CDC6: variants seen among roughly 807,000 people sequenced by gnomAD.
CDC6 encodes DNA replication factor CDC6.
A neutral mutation model predicts 60.2 loss-of-function variants in CDC6; 46 were observed. The ratio of observed to expected loss-of-function variants is 0.76; its 90% CI spans 0.60 to 0.98. The LOEUF is 0.98. CDC6 is among the 50% of genes least tolerant of loss of function. The pLI, the probability that CDC6 is intolerant of heterozygous loss-of-function variation, is 0.00. For synonymous variants in CDC6, 210 were observed against 233.2 expected (o/e 0.90, Z 0.90); for missense variants, 596 against 652.9 (o/e 0.91, Z 0.95).
At chr17:40,298,278 AT>A (rs1380594850) in intron 9 of CDC6, among the ~76,000 whole-genome samples, 18 of 152,228 alleles carry the variant, frequency 1.2e-4, no homozygotes, top group Admixed American at 1.2e-3. Context: ...CATCAGTAAC[AT>A]TTAGGCTTGT....
chr17:40,292,359 G>C (rs920043312), intron 4 of CDC6, among the ~76,000 whole-genome samples: 1 of 151,526 alleles, frequency 6.6e-6, no homozygotes, highest in Non-Finnish European at 1.5e-5. Context: ...GGCTAGGCAC[G>C]GTGGCTCACA....
rs780784417 is a variant in CDC6 at position 40,302,012 on chromosome 17, T to TA, written c.*12dup. The TA allele has an allele frequency of 6.9e-7, 1 of 1,443,086 alleles. No homozygotes were observed. Among genetic ancestry groups the TA allele is most frequent in the Non-Finnish European group, 9.8e-7 (1 of 1,023,868 alleles). The allele number at this position is 1,443,086 out of a possible 1,614,324, so 89.4% of individuals were successfully genotyped here. On this transcript the variant is annotated 3_prime_UTR_variant, in exon 12 of 12. Transcript: ENST00000209728. ...ACTGGATTGCCTTAAATTCTTCTCT[T>TA]ACACCCCACCCGAAAGTATTCAGCT...
In CDC6 at chr17:40,303,669, A is replaced by G. The variant is rs1333888050; in HGVS notation, c.*1668A>G. On this transcript the variant is annotated 3_prime_UTR_variant, in exon 12 of 12. Coordinates refer to ENST00000209728, the MANE Select transcript of CDC6 (RefSeq NM_001254.4). ...TTCGTTCCCTCTGAAGGTAGTTTGA[A>G]CATGGAAACACAGTTCTATACCTAG... 2.0e-5 allele frequency: 3 copies of G among 152,280 alleles called. No homozygotes were observed. Among genetic ancestry groups the G allele is most frequent in the Non-Finnish European group, 2.9e-5 (2 of 68,062 alleles). 9.4% of individuals were successfully genotyped at this position (152,280 alleles called of 1,614,324 possible). A position where few individuals can be genotyped will look rare whatever the true frequency, so the allele number is the denominator to read the frequency against.
intron 8 of CDC6, 99 bp downstream of exon 8, chr17:40,295,555 C>G: frequency 2.4e-6 from 2 of 820,540 alleles, no homozygotes; most frequent in East Asian, 2.5e-5. Context: ...TTAAGAGGCT[C>G]TGTTCTGCTA....
chr17:40,296,717 T>C lies in CDC6; in HGVS notation c.1199T>C (p.Ile400Thr). Residue 400 changes from isoleucine to threonine, a missense_variant, in exon 9 of 12, where the codon ATT becomes ACT. Coordinates refer to ENST00000209728, the MANE Select transcript of CDC6 (RefSeq NM_001254.4). ...ALDVCRRAIE[I>T]VESDVKSQTI... ...TTTTTTTATAGGAGAGCTATTGAAA[T>C]TGTAGAGTCAGATGTCAAAAGCCAG... The C allele has an allele frequency of 1.2e-6, 2 of 1,602,702 alleles. No homozygotes were observed. Among genetic ancestry groups the C allele is most frequent in the Non-Finnish European group, 1.7e-6 (2 of 1,169,632 alleles).
chr17:40,296,369 A>G (rs922049977), intron 8 of CDC6, among the ~76,000 whole-genome samples: 3 of 152,176 alleles, frequency 2.0e-5, no homozygotes, highest in Admixed American at 2.0e-4. Flanking sequence ...CCAAAATGTT[A>G]TCATTGGCTT....
intron 8 of CDC6, 96 bp from the exon 9 acceptor site, chr17:40,296,607 T>C: frequency 2.7e-6 from 2 of 746,624 alleles, no homozygotes; most frequent in South Asian, 2.9e-5. Flanking sequence ...GTTGCAGTCT[T>C]TGAGCAATGG....
intron 5 of CDC6, 113 bp from the exon 6 acceptor site, chr17:40,293,837 T>C: frequency 1.0e-6 from 1 of 989,512 alleles, no homozygotes; most frequent in Non-Finnish European, 1.6e-6. Flanking sequence ...ATAGGTTAGA[T>C]TATGATCTTT....
chr17:40,300,986 C>T lies in CDC6; in HGVS notation c.1408C>T (p.Leu470Phe), dbSNP rs970864346. 6.2e-7 allele frequency: 1 copy of T among 1,614,006 alleles called. No individual in the cohort carries two copies. The highest frequency in any genetic ancestry group is 8.5e-7 in the Non-Finnish European group (1 of 1,179,936). The part of the protein sequence containing the change: ...QQKILVCSLM[L>F]LIRQLKIKEV... Reference sequence around the variant, plus strand: ...GAAGATCTTGGTTTGCTCTTTGATGCTCTTGATCAGGCAGTTGAAAATCAA... The same window carrying T: ...GAAGATCTTGGTTTGCTCTTTGATGTTCTTGATCAGGCAGTTGAAAATCAA... Residue 470 changes from leucine (L) to phenylalanine (F), a missense_variant, in exon 10 of 12, where the codon CTC becomes TTC. Transcript: ENST00000209728.
rs4135015 is a variant in CDC6, at chr17:40,295,199, C to T, written c.1084-157C>T. 1.3e-3 allele frequency among the ~76,000 whole-genome samples: 199 copies of T among 152,278 alleles called. 1 individual carries two copies. Among genetic ancestry groups the T allele is most frequent in the Middle Eastern group, 0.01 (3 of 294 alleles). On this transcript the variant is annotated intron_variant, in intron 7 of 11. Coordinates refer to ENST00000209728, the MANE Select transcript of CDC6 (RefSeq NM_001254.4). ...GCTTAAATGTGTGAAAACTCTCAAA[C>T]GTCTCCATTATTTATGAGAAGAAAA...
Position 40,295,919 on chromosome 17 carries a change from T to C in CDC6, c.1184+463T>C, listed in dbSNP as rs191248990. Reference sequence around the variant, plus strand: ...TTCTCCCTTCCCATCCTCCTGCCCCTCCTGCTGGGGAAAGCCTCTGTGCCG... The same window carrying C: ...TTCTCCCTTCCCATCCTCCTGCCCCCCCTGCTGGGGAAAGCCTCTGTGCCG... On this transcript the variant is annotated intron_variant, in intron 8 of 11. Coordinates refer to ENST00000209728, the MANE Select transcript of CDC6 (RefSeq NM_001254.4). 8.8e-4 allele frequency among the ~76,000 whole-genome samples: 134 copies of C among 152,126 alleles called. No homozygotes were observed. The Middle Eastern group carries it at 0.02, about 23-fold the overall frequency.
At chr17:40,296,241 T>G (rs1435386866) in intron 8 of CDC6, among the ~76,000 whole-genome samples, 2 of 152,194 alleles carry the variant, frequency 1.3e-5, no homozygotes, top group Non-Finnish European at 2.9e-5. Context: ...ACATATCCTA[T>G]GTATATATAA....
chr17:40,292,791 C>T (rs892815497), intron 4 of CDC6, among the ~76,000 whole-genome samples: 3 of 151,594 alleles, frequency 2.0e-5, no homozygotes, highest in Admixed American at 6.6e-5. Flanking sequence ...ATTAGCCAGG[C>T]GTGGTGGCGA....
At chr17:40,296,275 G>A (rs1470305520) in intron 8 of CDC6, among the ~76,000 whole-genome samples, 2 of 151,992 alleles carry the variant, frequency 1.3e-5, no homozygotes, top group African/African-American at 4.8e-5. Context: ...TTTTAGGTTT[G>A]GTGTGTATGG....
At chr17:40,296,204 CAT>C (rs1176980618) in intron 8 of CDC6, among the ~76,000 whole-genome samples, 1 of 152,156 alleles carries the variant, frequency 6.6e-6, no homozygotes, top group Non-Finnish European at 1.5e-5. Flanking sequence ...GAGCAATAGT[CAT>C]GTAGGCTAGC....
intron 4 of CDC6, 29 bp from the exon 5 acceptor site, chr17:40,293,427 A>AACTCCC (rs1296001129): frequency 6.3e-7 from 1 of 1,591,908 alleles, no homozygotes; most frequent in Non-Finnish European, 8.6e-7. Context: ...AGGCCAAAAT[A>AACTCCC]ACTCCCATAT....
At chr17:40,296,667 C>T (rs1029006634) in intron 8 of CDC6, 36 bp from the exon 9 acceptor site, 8 of 1,283,642 alleles carry the variant, frequency 6.2e-6, no homozygotes, top group Non-Finnish European at 9.1e-6. Flanking sequence ...TTTGGTTTGG[C>T]TCAGACTAAA....
intron 2 of CDC6, 91 bp downstream of exon 2, chr17:40,289,689 T>C (rs2143068308): frequency 3.3e-6 from 3 of 914,858 alleles, no homozygotes; most frequent in East Asian, 2.5e-5. Flanking sequence ...GCTTTCTAAG[T>C]TCAGTTAAGA....
intron 8 of CDC6, 83 bp from the exon 9 acceptor site, chr17:40,296,620 A>C: frequency 1.3e-6 from 1 of 796,240 alleles, no homozygotes; most frequent in Non-Finnish European, 2.2e-6. Flanking sequence ...AGCAATGGTC[A>C]TTAATGTGCC....
Sources: allele counts gnomAD v4.1 joint callset (sites outside exome capture counted in the v4.1 genomes callset), GRCh38; gene constraint gnomAD v4.1.1; transcripts MANE v1.5; gene names NCBI Gene and HGNC (gene_info 2026-07-23, HGNC 2026-07-21).